The following RRAS2 variants were observed in gnomAD, a reference collection of about 807,000 sequenced individuals.
RRAS2 encodes RAS related 2.
Under a neutral mutation model 27.6 loss-of-function variants are expected in RRAS2, and 7 were observed. That is an observed-to-expected ratio of 0.25 (90% CI 0.14 to 0.48). The LOEUF is 0.48. Among genes scored for constraint, RRAS2 ranks in the 20% least tolerant of loss-of-function variants. RRAS2 has a pLI of 0.99. For synonymous variants in RRAS2, 86 were observed against 90.9 expected (o/e 0.95, Z 0.31); for missense variants, 178 against 256.2 (o/e 0.69, Z 2.08).
chr11:14,337,107 TC>T (rs1425755495), intron 1 of RRAS2: 4 of 152,154 alleles, frequency 2.6e-5, no homozygotes, highest in African/African-American at 9.7e-5. Context: ...ACCTTGCTTA[TC>T]CCCAGTTTCA....
chr11:14,338,307 T>C (rs1374739535), intron 1 of RRAS2, among the ~76,000 whole-genome samples: 3 of 152,202 alleles, frequency 2.0e-5, no homozygotes, highest in Admixed American at 1.3e-4. Context: ...TACTAGTAAG[T>C]ACAGGCTGAG....
chr11:14,280,772 A>G (rs980679292), intron 5 of RRAS2, among the ~76,000 whole-genome samples: 1 of 147,662 alleles, frequency 6.8e-6, no homozygotes, highest in Non-Finnish European at 1.5e-5. Flanking sequence ...CCCACTTCAC[A>G]TTCCTATCAA....
chr11:14,290,937 G>C (rs1849795307), intron 4 of RRAS2, among the ~76,000 whole-genome samples: 1 of 152,184 alleles, frequency 6.6e-6, no homozygotes, highest in African/African-American at 2.4e-5. Context: ...ATGCTGATGG[G>C]AATGATCATG....
intron 4 of RRAS2, among the ~76,000 whole-genome samples, chr11:14,290,568 C>G (rs976490902): frequency 6.6e-6 from 1 of 152,190 alleles, no homozygotes; most frequent in Non-Finnish European, 1.5e-5. Context: ...TTTGCACATC[C>G]AGAGCCCAAG....
intron 1 of RRAS2, among the ~76,000 whole-genome samples, chr11:14,339,719 T>C (rs1848660729): frequency 6.6e-6 from 1 of 152,210 alleles, no homozygotes; most frequent in Non-Finnish European, 1.5e-5. Context: ...AAAAAGAATT[T>C]TTTTAAAAAG....
At chr11:14,299,434 C>T (rs1847640833) in intron 1 of RRAS2, among the ~76,000 whole-genome samples, 1 of 152,188 alleles carries the variant, frequency 6.6e-6, no homozygotes. Flanking sequence ...CTTTTTTGTA[C>T]ATATATGAAT....
intron 1 of RRAS2, among the ~76,000 whole-genome samples, chr11:14,339,149 A>G (rs1554952914): frequency 6.6e-6 from 1 of 152,018 alleles, no homozygotes; most frequent in African/African-American, 2.4e-5. Flanking sequence ...AACTTTAAAA[A>G]TATCAGCTGG....
At chr11:14,346,536 C>A (rs1848834235) in intron 1 of RRAS2, among the ~76,000 whole-genome samples, 2 of 151,974 alleles carry the variant, frequency 1.3e-5, no homozygotes, top group African/African-American at 4.8e-5. Flanking sequence ...ATGTTGGGAC[C>A]CAATAATTTT....
In RRAS2 at chr11:14,358,851, C is replaced by A; in HGVS notation, c.20G>T (p.Arg7Leu). 1 of 1,475,000 alleles carries A rather than the reference C, an allele frequency of 6.8e-7. No individual in the cohort carries two copies. Among genetic ancestry groups the A allele is most frequent in the South Asian group, 1.2e-5 (1 of 81,080 alleles). 91.4% of individuals were successfully genotyped at this position (1,475,000 alleles called of 1,614,324 possible). The change falls in exon 1 of 6, where the codon CGG becomes CTG. Residue 7 changes from arginine to leucine, a missense_variant. By Grantham distance (102) the Arg-to-Leu change is moderately radical. Coordinates refer to ENST00000256196, the MANE Select transcript of RRAS2 (RefSeq NM_012250.6). This position sits in a 1 kb window ranked among gnomAD's most constrained non-coding sequence, Gnocchi z 5.1. ...GTACTTCTCCTGGCCGGAGCCGTCC[C>A]GCCAGCCGGCCGCGGCCATGGGGAC... MAAAGWRDGSGQEKYRL... is the reference protein window; with the variant it reads MAAAGWLDGSGQEKYRL...
chr11:14,343,957 A>T (rs1848775342), intron 1 of RRAS2, among the ~76,000 whole-genome samples: 1 of 151,810 alleles, frequency 6.6e-6, no homozygotes, highest in Non-Finnish European at 1.5e-5. Context: ...CCTGGGCAAC[A>T]AGGCGAAACC....
Position 14,350,131 on chromosome 11 carries a change from CCTT to C in RRAS2, c.108+8629_108+8631del, listed in dbSNP as rs558678846. ...AATACATACGTATTTTCTTATTTCTCCTTCTTTCTTACACAAAAGGTAGTATAC... is the reference window on the plus strand; with the variant it reads ...AATACATACGTATTTTCTTATTTCTCCTTTCTTACACAAAAGGTAGTATAC... On this transcript the variant is annotated intron_variant, in intron 1 of 5. Coordinates refer to ENST00000256196, the MANE Select transcript of RRAS2 (RefSeq NM_012250.6). 1.8e-4 allele frequency among the ~76,000 whole-genome samples: 28 copies of C among 152,270 alleles called. No individual in the cohort carries two copies. The South Asian group carries it at 3.7e-3, about 20-fold the overall frequency.
At chr11:14,344,991 T>G (rs1301142944) in intron 1 of RRAS2, among the ~76,000 whole-genome samples, 15 of 144,892 alleles carry the variant, frequency 1.0e-4, no homozygotes, top group African/African-American at 3.8e-4. Context: ...GACTTTATTT[T>G]TTTTTTTTTT....
At chr11:14,301,649 T>C (rs1214764424) in intron 1 of RRAS2, among the ~76,000 whole-genome samples, 4 of 152,134 alleles carry the variant, frequency 2.6e-5, no homozygotes, top group African/African-American at 4.8e-5. Flanking sequence ...CTCACACTCA[T>C]CTTCCATTCC....
chr11:14,341,881 C>G (rs1202868156), intron 1 of RRAS2: 7 of 451,772 alleles, frequency 1.5e-5, no homozygotes, highest in Non-Finnish European at 2.7e-5. Flanking sequence ...TAATATTCCC[C>G]TCTCTCCTCC....
At position 14,281,640 on chromosome 11, in the gene RRAS2, A is replaced by G; in HGVS notation, c.489T>C (p.Asn163=). ...CAAGTTCATGGAAAGCTTGATCTAC[A>G]TTCATCCTAATCTTTGCTGATGCCT... is the stretch of plus-strand genomic sequence containing the variant. ...YMEASAKIRM[N]VDQAFHELVR... Residue 163 remains asparagine (N), a synonymous_variant, in exon 5 of 6, where the codon AAT becomes AAC. Transcript: ENST00000256196. 1 of 1,603,130 alleles carries G rather than the reference A, an allele frequency of 6.2e-7. No homozygotes were observed. The highest frequency in any genetic ancestry group is 8.5e-7 in the Non-Finnish European group (1 of 1,176,472).
At chr11:14,295,429 A>G (rs1390259647) in intron 2 of RRAS2, among the ~76,000 whole-genome samples, 2 of 152,236 alleles carry the variant, frequency 1.3e-5, no homozygotes, top group South Asian at 2.1e-4. Context: ...AACTTTTTCT[A>G]TATTCACTTC....
intron 1 of RRAS2, among the ~76,000 whole-genome samples, chr11:14,336,419 C>T (rs1159209652): frequency 6.6e-6 from 1 of 151,688 alleles, no homozygotes; most frequent in African/African-American, 2.4e-5. Context: ...ATCGAGATAA[C>T]AAAGATGTCA....
rs115636117 is a variant in RRAS2, at chr11:14,293,800, G to A, written c.408+671C>T. On this transcript the variant is annotated intron_variant, in intron 4 of 5. Transcript: ENST00000256196. ...AATGGACTAATACAAATGAACAGCC[G>A]GCATTAATATACAACTGACCTTGTT... Among the ~76,000 whole-genome samples the A allele has an allele frequency of 6.5e-3, 992 of 152,106 alleles. 9 individuals carry two copies. Among genetic ancestry groups the A allele is most frequent in the African/African-American group, 0.022 (932 of 41,482 alleles).
upstream of RRAS2, chr11:14,359,221 T>A: frequency 7.2e-6 from 1 of 138,574 alleles, no homozygotes; most frequent in Non-Finnish European, 1.2e-5. Flanking sequence ...TGCATATGCA[T>A]GAGGGGGCGG....
Sources: allele counts gnomAD v4.1 joint callset (sites outside exome capture counted in the v4.1 genomes callset), GRCh38; gene constraint gnomAD v4.1.1; non-coding constraint Gnocchi (gnomAD v3.1); transcripts MANE v1.5; gene names NCBI Gene and HGNC (gene_info 2026-07-23, HGNC 2026-07-21).